The following HTR1E variants were observed in gnomAD, a reference collection of about 807,000 sequenced individuals.
The protein encoded by HTR1E is 5-HT-1E.
HTR1E carries 3 observed loss-of-function variants against 3.4 expected under a neutral mutation model. The observed-to-expected ratio is 0.89, with a 90% CI of 0.41 to 2.31. HTR1E has a LOEUF of 2.31. Among genes scored for constraint, HTR1E ranks in the 30% most tolerant of loss-of-function variants. HTR1E has a pLI of 0.05. For synonymous variants in HTR1E, 170 were observed against 182.8 expected (o/e 0.93, Z 0.56); for missense variants, 392 against 467.0 (o/e 0.84, Z 1.48).
intron 1 of HTR1E, among the ~76,000 whole-genome samples, chr6:86,971,983 C>T (rs574660063): frequency 1.4e-4 from 21 of 152,240 alleles, no homozygotes; most frequent in African/African-American, 4.3e-4. Context: ...AGATAACCCA[C>T]AAGCAGATAA....
At chr6:87,010,364 GCT>G (rs1768197901) in intron 1 of HTR1E, among the ~76,000 whole-genome samples, 1 of 117,234 alleles carries the variant, frequency 8.5e-6, no homozygotes, top group Admixed American at 8.4e-5. Context: ...CGGGCGGGGG[GCT>G]GACCCCCCCA....
chr6:86,962,862 A>T (rs1562062136), intron 1 of HTR1E, among the ~76,000 whole-genome samples: 1 of 152,216 alleles, frequency 6.6e-6, no homozygotes, highest in Non-Finnish European at 1.5e-5. Flanking sequence ...AAAATAAAAT[A>T]AAAATAAAAG....
chr6:87,012,348 A>C (rs1485910812), intron 1 of HTR1E, among the ~76,000 whole-genome samples: 1 of 152,194 alleles, frequency 6.6e-6, no homozygotes, highest in Non-Finnish European at 1.5e-5. Flanking sequence ...TAAATATTGA[A>C]TAACACATGA....
intron 1 of HTR1E, among the ~76,000 whole-genome samples, chr6:87,004,194 T>C (rs1051464750): frequency 5.3e-5 from 8 of 152,160 alleles, no homozygotes; most frequent in African/African-American, 1.7e-4. Context: ...GAAGAACTAA[T>C]ACCAATTCTA....
intron 1 of HTR1E, among the ~76,000 whole-genome samples, chr6:86,942,200 A>G (rs1768555581): frequency 6.6e-6 from 1 of 152,228 alleles, no homozygotes; most frequent in Non-Finnish European, 1.5e-5. Flanking sequence ...AGATGGAGGA[A>G]GAAGAACCTA....
At chr6:86,968,105 C>G (rs1266084955) in intron 1 of HTR1E, among the ~76,000 whole-genome samples, 1 of 152,156 alleles carries the variant, frequency 6.6e-6, no homozygotes, top group Admixed American at 6.5e-5. Flanking sequence ...ACCCTATTTT[C>G]TCTTACATTT....
At chr6:86,976,730 A>G (rs1195524243) in intron 1 of HTR1E, among the ~76,000 whole-genome samples, 4 of 152,212 alleles carry the variant, frequency 2.6e-5, no homozygotes, top group Non-Finnish European at 5.9e-5. Flanking sequence ...GTCTGACTCA[A>G]TCCCCTACCA....
At chr6:86,992,466 GAC>G (rs1259294093) in intron 1 of HTR1E, among the ~76,000 whole-genome samples, 1 of 152,158 alleles carries the variant, frequency 6.6e-6, no homozygotes, top group Non-Finnish European at 1.5e-5. Context: ...GAACTGGACT[GAC>G]AAATGCATTA....
chr6:86,999,432 C>A (rs1010261794), intron 1 of HTR1E, among the ~76,000 whole-genome samples: 12 of 152,092 alleles, frequency 7.9e-5, no homozygotes, highest in Middle Eastern at 3.4e-3. Flanking sequence ...GGCTTTTAAT[C>A]CTAAATAACT....
chr6:86,991,851 T>A (rs551066909), intron 1 of HTR1E, among the ~76,000 whole-genome samples: 4 of 152,336 alleles, frequency 2.6e-5, no homozygotes, highest in African/African-American at 9.6e-5. Context: ...TGCAAACATA[T>A]GTTTTATACA....
intron 1 of HTR1E, among the ~76,000 whole-genome samples, chr6:86,990,768 G>A (rs1358704380): frequency 6.6e-6 from 1 of 152,128 alleles, no homozygotes; most frequent in African/African-American, 2.4e-5. Flanking sequence ...AAGTAGGGGA[G>A]AAGAGATAAA....
chr6:87,013,103 G>A (rs1328883397), intron 1 of HTR1E, among the ~76,000 whole-genome samples: 1 of 152,188 alleles, frequency 6.6e-6, no homozygotes, highest in African/African-American at 2.4e-5. Flanking sequence ...ATAATGCTTA[G>A]GTGCTTTGGA....
At chr6:86,983,580 T>A (rs1767741964) in intron 1 of HTR1E, among the ~76,000 whole-genome samples, 1 of 152,132 alleles carries the variant, frequency 6.6e-6, no homozygotes, top group African/African-American at 2.4e-5. Flanking sequence ...TTAGTAGAAA[T>A]AACTTCTAGA....
chr6:86,969,255 T>C (rs1037969759), intron 1 of HTR1E, among the ~76,000 whole-genome samples: 4 of 152,060 alleles, frequency 2.6e-5, no homozygotes, highest in Admixed American at 6.6e-5. Context: ...GGGTGCCTAG[T>C]TGGAATTAAG....
chr6:86,939,658 TA>T (rs1768519100), intron 1 of HTR1E, among the ~76,000 whole-genome samples: 1 of 152,260 alleles, frequency 6.6e-6, no homozygotes, highest in Non-Finnish European at 1.5e-5. Flanking sequence ...ATTATTTTTA[TA>T]ATGAAGAGTA....
At chr6:86,949,354 T>C (rs1227414225) in intron 1 of HTR1E, among the ~76,000 whole-genome samples, 1 of 152,228 alleles carries the variant, frequency 6.6e-6, no homozygotes, top group Non-Finnish European at 1.5e-5. Flanking sequence ...CGTAAGTGTG[T>C]CCCTGCTGCT....
chr6:86,944,549 A>G (rs1768588784), intron 1 of HTR1E, among the ~76,000 whole-genome samples: 1 of 152,250 alleles, frequency 6.6e-6, no homozygotes, highest in South Asian at 2.1e-4. Flanking sequence ...ATAGATAGTG[A>G]TATAAGAACA....
At chr6:86,943,710 T>A (rs1768577401) in intron 1 of HTR1E, among the ~76,000 whole-genome samples, 1 of 152,132 alleles carries the variant, frequency 6.6e-6, no homozygotes, top group Non-Finnish European at 1.5e-5. Context: ...TGCTTTCACA[T>A]CTCTAAACCT....
chr6:86,978,932 G>T (rs1446461076), intron 1 of HTR1E, among the ~76,000 whole-genome samples: 1 of 152,162 alleles, frequency 6.6e-6, no homozygotes, highest in Non-Finnish European at 1.5e-5. Context: ...TGAAGAAAAA[G>T]GAAATGATGC....
Sources: gnomAD v4.1 joint callset for allele counts (sites outside exome capture counted in the v4.1 genomes callset) on GRCh38, gnomAD v4.1.1 for gene constraint, MANE v1.5 for transcripts, NCBI Gene and HGNC (gene_info 2026-07-23, HGNC 2026-07-21) for gene names.